Variants in SNX14 observed in about 807,000 individuals in gnomAD.
The protein encoded by SNX14 is sorting nexin-14.
Under a neutral mutation model 133.8 loss-of-function variants are expected in SNX14, and 93 were observed. The observed-to-expected ratio is 0.70, with a 90% CI of 0.59 to 0.83. The LOEUF (loss-of-function observed/expected upper bound fraction) is 0.83, where lower values mean the gene tolerates loss of function less well. Ranked by LOEUF, SNX14 falls within the 40% of genes least tolerant of loss-of-function variation. The pLI is 0.00. For synonymous variants in SNX14, 368 were observed against 365.6 expected (o/e 1.01, Z -0.07); for missense variants, 945 against 1,094.9 (o/e 0.86, Z 1.93).
intron 27 of SNX14, 34 bp downstream of exon 27, chr6:85,507,934 C>G (rs778837299): frequency 6.3e-7 from 1 of 1,581,520 alleles, no homozygotes; most frequent in Non-Finnish European, 8.7e-7. Flanking sequence ...CCAAACCTAG[C>G]CAGCATGAGT....
At chr6:85,526,448 T>A (rs1165750590) in intron 20 of SNX14, among the ~76,000 whole-genome samples, 2 of 152,200 alleles carry the variant, frequency 1.3e-5, no homozygotes, top group East Asian at 3.8e-4. Flanking sequence ...GAATCCTGGC[T>A]CTTCCACATG....
At chr6:85,534,898 T>C (rs1315876511) in intron 17 of SNX14, among the ~76,000 whole-genome samples, 1 of 150,984 alleles carries the variant, frequency 6.6e-6, no homozygotes, top group Admixed American at 6.6e-5. Flanking sequence ...GTGGTAGATA[T>C]GCACGTACGT....
chr6:85,539,276 G>A (rs1782871500), intron 15 of SNX14, among the ~76,000 whole-genome samples: 1 of 152,108 alleles, frequency 6.6e-6, no homozygotes, highest in Non-Finnish European at 1.5e-5. Flanking sequence ...TGGAAAGTAT[G>A]CAGAGACTGA....
rs1446920105 is a variant in SNX14 at position 85,574,436 on chromosome 6, C to T, written c.141-58G>A. On this transcript the variant is annotated intron_variant, in intron 1 of 28. Coordinates refer to ENST00000314673, the MANE Select transcript of SNX14 (RefSeq NM_153816.6). ...AAAGAAAATGCCTAATTCTAAGTTA[C>T]CGCTTCACTGACTTAACAAGCATTC... is the stretch of plus-strand genomic sequence containing the variant. 11 of 1,285,272 alleles carry T rather than the reference C, an allele frequency of 8.6e-6. No homozygotes were observed. The South Asian group carries it at 1.7e-4, about 20-fold the overall frequency. 79.6% of individuals were successfully genotyped at this position (1,285,272 alleles called of 1,614,324 possible).
intron 2 of SNX14, 78 bp from the exon 3 acceptor site, chr6:85,572,452 A>G: frequency 8.7e-7 from 1 of 1,143,098 alleles, no homozygotes; most frequent in South Asian, 1.4e-5. Context: ...AACTTTTCAG[A>G]AGTTTTTAAA....
Position 85,536,849 on chromosome 6 carries a change from G to A in SNX14, c.1551C>T (p.Thr517=). The stretch of plus-strand genomic sequence containing the variant: ...TAGGCAACATAGCTCCCTCCATTGT[G>A]GTACTTTTGAATACTCCTTTAATTT... The part of the protein sequence containing the change: ...GSKIKGVFKS[T]TMEGAMLPNY... The change falls in exon 17 of 29, where the codon ACC becomes ACT. Residue 517 remains threonine, a synonymous_variant. Coordinates refer to ENST00000314673, the MANE Select transcript of SNX14 (RefSeq NM_153816.6). 6.2e-7 allele frequency: 1 copy of A among 1,613,130 alleles called. No individual in the cohort carries two copies. The highest frequency in any genetic ancestry group is 1.7e-4 in the Middle Eastern group (1 of 6,054).
At chr6:85,552,030 A>AGCTT (rs1562310764) in intron 7 of SNX14, among the ~76,000 whole-genome samples, 1 of 141,540 alleles carries the variant, frequency 7.1e-6, no homozygotes, top group Non-Finnish European at 1.5e-5. Context: ...TGTGTTGGGA[A>AGCTT]TCTTTTTTTT....
intron 1 of SNX14, chr6:85,589,721 T>C (rs1180265124): frequency 2.0e-5 from 3 of 152,264 alleles, no homozygotes; most frequent in African/African-American, 7.2e-5. Context: ...CTGGTGTAAA[T>C]CCTGTGAGGT....
At chr6:85,538,445 C>T (rs556288598) in intron 16 of SNX14, among the ~76,000 whole-genome samples, 12 of 152,168 alleles carry the variant, frequency 7.9e-5, no homozygotes, top group South Asian at 4.2e-4. Flanking sequence ...AAAACTCTCA[C>T]TTATGATTAT....
At position 85,513,825 on chromosome 6, in the gene SNX14, A is replaced by T. The variant is rs879573023; in HGVS notation, c.2628T>A (p.Phe876Leu). The T allele has an allele frequency of 6.2e-7, 1 of 1,612,494 alleles. No individual in the cohort carries two copies. The highest frequency in any genetic ancestry group is 1.7e-5 in the Admixed American group (1 of 59,972). The change falls in exon 26 of 29, where the codon TTT becomes TTA. Residue 876 changes from phenylalanine to leucine, a missense_variant. By Grantham distance (22) the Phe-to-Leu change is conservative. Coordinates refer to ENST00000314673, the MANE Select transcript of SNX14 (RefSeq NM_153816.6). ...QDKQKGAKQT[F>L]EEMMNYIPDL... ...CTGGAATGTAATTCATCATTTCTTCAAAAGTCTGTTTTGCTCCTTTTTGCT... is the reference window on the plus strand; with the variant it reads ...CTGGAATGTAATTCATCATTTCTTCTAAAGTCTGTTTTGCTCCTTTTTGCT...
chr6:85,539,970 A>ATTTTATTTTATTTTATTTTATTTTAT, intron 15 of SNX14, among the ~76,000 whole-genome samples: 1 of 150,936 alleles, frequency 6.6e-6, no homozygotes, highest in South Asian at 2.1e-4. Context: ...ATTTTATTTT[A>ATTTTATTTTATTTTATTTTATTTTAT]TTTTATTTTA....
intron 21 of SNX14, among the ~76,000 whole-genome samples, chr6:85,525,667 A>G (rs1318382265): frequency 6.6e-6 from 1 of 152,134 alleles, no homozygotes; most frequent in Non-Finnish European, 1.5e-5. Flanking sequence ...GTAATGCTTT[A>G]TAATACAAAA....
chr6:85,538,261 C>T lies in SNX14; in HGVS notation c.1475+577G>A, dbSNP rs187013000. On this transcript the variant is annotated intron_variant, in intron 16 of 28. Transcript: ENST00000314673. ...AGATTATTTTATCTAAACAAACATA[C>T]AATTAGGGTTTTTTTTAATCCAGAA... Among the ~76,000 whole-genome samples the T allele has an allele frequency of 2.0e-5, 3 of 151,394 alleles. No individual in the cohort carries two copies. In the East Asian group the frequency reaches 5.8e-4, roughly 29 times the overall value.
intron 5 of SNX14, among the ~76,000 whole-genome samples, 188 bp downstream of exon 5, chr6:85,567,346 G>C (rs1333385891): frequency 6.7e-6 from 1 of 149,634 alleles, no homozygotes; most frequent in Non-Finnish European, 1.5e-5. Context: ...TCTAATGGGA[G>C]AGGTCAGGGG....
intron 7 of SNX14, among the ~76,000 whole-genome samples, chr6:85,550,420 T>C (rs1787313241): frequency 6.6e-6 from 1 of 152,180 alleles, no homozygotes; most frequent in Non-Finnish European, 1.5e-5. Context: ...CTAGCACACA[T>C]AAGGCTTTTG....
chr6:85,541,887 G>T, intron 15 of SNX14, 98 bp downstream of exon 15: 1 of 826,680 alleles, frequency 1.2e-6, no homozygotes, highest in Non-Finnish European at 1.8e-6. Flanking sequence ...TATAACAATG[G>T]AACCACATAT....
intron 10 of SNX14, 52 bp downstream of exon 10, chr6:85,547,454 A>G: frequency 6.2e-7 from 1 of 1,605,590 alleles, no homozygotes; most frequent in Non-Finnish European, 8.5e-7. Flanking sequence ...TTGACATACA[A>G]AATCAAAATT....
chr6:85,518,495 T>G (rs1024483073), intron 21 of SNX14, among the ~76,000 whole-genome samples: 5 of 152,214 alleles, frequency 3.3e-5, no homozygotes, highest in Non-Finnish European at 5.9e-5. Flanking sequence ...TTCAGTAGTT[T>G]ATATTCTGAA....
chr6:85,507,868 A>C lies in SNX14; in HGVS notation c.2745+100T>G, dbSNP rs868823373. ...GTTTAAAATTATATTGCCTTGGTTT[A>C]GTATAGTGTCATTTATACAACTAAT... On this transcript the variant is annotated intron_variant, in intron 27 of 28. Transcript: ENST00000314673. The C allele has an allele frequency of 1.2e-4, 86 of 735,688 alleles. No homozygotes were observed. The Middle Eastern group carries it at 4.7e-3, about 40-fold the overall frequency. 45.6% of individuals were successfully genotyped at this position (735,688 alleles called of 1,614,324 possible). A position where few individuals can be genotyped will look rare whatever the true frequency, so the allele number is the denominator to read the frequency against.
Sources: gnomAD v4.1 joint callset for allele counts (sites outside exome capture counted in the v4.1 genomes callset) on GRCh38, gnomAD v4.1.1 for gene constraint, MANE v1.5 for transcripts, NCBI Gene and HGNC (gene_info 2026-07-23, HGNC 2026-07-21) for gene names.